Variants in KCNIP4 observed in about 807,000 individuals in gnomAD.
KCNIP4 encodes the protein potassium voltage-gated channel interacting protein 4.
In KCNIP4, 12 loss-of-function variants were observed where a neutral mutation model predicts 34.0. That is an observed-to-expected ratio of 0.35 (90% CI 0.23 to 0.57). KCNIP4 has a LOEUF of 0.57. Among genes scored for constraint, KCNIP4 ranks in the 20% least tolerant of loss-of-function variants. The pLI is 0.83. For synonymous variants in KCNIP4, 124 were observed against 102.2 expected (o/e 1.21, Z -1.29); for missense variants, 238 against 311.7 (o/e 0.76, Z 1.78).
At chr4:21,210,251 C>T (rs1385833015) in intron 1 of KCNIP4, among the ~76,000 whole-genome samples, 1 of 152,148 alleles carries the variant, frequency 6.6e-6, no homozygotes, top group African/African-American at 2.4e-5. Context: ...TTTTCTTTTA[C>T]TATACTTTGC....
At chr4:20,982,127 T>G (rs1202997857) in intron 1 of KCNIP4, among the ~76,000 whole-genome samples, 1 of 152,232 alleles carries the variant, frequency 6.6e-6, no homozygotes, top group Non-Finnish European at 1.5e-5. Flanking sequence ...TGATTTTAAA[T>G]TTCTACATTA....
At chr4:21,191,810 T>C (rs571032075) in intron 1 of KCNIP4, among the ~76,000 whole-genome samples, 1 of 152,338 alleles carries the variant, frequency 6.6e-6, no homozygotes, top group African/African-American at 2.4e-5. Flanking sequence ...TTGCTGACTA[T>C]TCAGATACAT....
chr4:21,886,921 C>T (rs1011866679), intron 1 of KCNIP4, among the ~76,000 whole-genome samples: 70 of 152,050 alleles, frequency 4.6e-4, no homozygotes, highest in Non-Finnish European at 8.4e-4. Flanking sequence ...TGTGAGCGTT[C>T]ATTTGAAGAC....
intron 1 of KCNIP4, among the ~76,000 whole-genome samples, chr4:21,297,611 C>G (rs765796012): frequency 6.6e-6 from 1 of 152,098 alleles, no homozygotes; most frequent in South Asian, 2.1e-4. Context: ...CTCTCTGGGA[C>G]TCAGTTTCCT....
intron 1 of KCNIP4, among the ~76,000 whole-genome samples, chr4:20,920,000 G>A (rs1729234105): frequency 6.6e-6 from 1 of 152,024 alleles, no homozygotes. Flanking sequence ...CTATGGTAAT[G>A]TTTATTGAAT....
At chr4:21,797,200 T>C (rs963497358) in intron 1 of KCNIP4, among the ~76,000 whole-genome samples, 1 of 152,228 alleles carries the variant, frequency 6.6e-6, no homozygotes, top group Non-Finnish European at 1.5e-5. Flanking sequence ...CAGACTAAAG[T>C]GCAGTGGCGT....
chr4:21,937,489 C>T (rs1268149629), intron 1 of KCNIP4, among the ~76,000 whole-genome samples: 1 of 152,162 alleles, frequency 6.6e-6, no homozygotes, highest in African/African-American at 2.4e-5. Flanking sequence ...AAAATTAATT[C>T]CCTTCATTCT....
In KCNIP4 at chr4:21,543,613, T is replaced by G. The variant is rs188914306; in HGVS notation, c.61+404958A>C. On this transcript the variant is annotated intron_variant, in intron 1 of 8. Transcript: ENST00000382152. ...GCTGTGAAAATAAGTAATTCAAAAT[T>G]TAAGCTGCTGGAACTTTAAAATATT... is the stretch of plus-strand genomic sequence containing the variant. Among the ~76,000 whole-genome samples the G allele has an allele frequency of 2.6e-5, 4 of 152,240 alleles. No homozygotes were observed. In the East Asian group the frequency reaches 7.7e-4, roughly 29 times the overall value.
chr4:21,132,910 C>T (rs956834026), intron 1 of KCNIP4, among the ~76,000 whole-genome samples: 18 of 149,340 alleles, frequency 1.2e-4, no homozygotes, highest in Admixed American at 6.0e-4. Context: ...CTACTTGGGA[C>T]GCTGAGGCAG....
chr4:21,728,672 C>A (rs2109107083), intron 1 of KCNIP4, among the ~76,000 whole-genome samples: 1 of 152,278 alleles, frequency 6.6e-6, no homozygotes, highest in South Asian at 2.1e-4. Context: ...CTCATCTGAA[C>A]TACTGGCCTC....
At chr4:20,733,769 G>A (rs1345743424) in intron 6 of KCNIP4, among the ~76,000 whole-genome samples, 1 of 152,138 alleles carries the variant, frequency 6.6e-6, no homozygotes, top group Non-Finnish European at 1.5e-5. Flanking sequence ...ATAGCCATAA[G>A]GTCTTAATTT....
At chr4:21,243,242 T>C (rs999706500) in intron 1 of KCNIP4, among the ~76,000 whole-genome samples, 2 of 152,186 alleles carry the variant, frequency 1.3e-5, no homozygotes, top group Non-Finnish European at 2.9e-5. Flanking sequence ...TTTCATTAAT[T>C]TATTGTGATC....
rs76122277 is a variant in KCNIP4 at position 21,188,587 on chromosome 4, C to T, written c.62-305878G>A. On this transcript the variant is annotated intron_variant, in intron 1 of 8. Transcript: ENST00000382152. Reference sequence around the variant, plus strand: ...TTTCAGCTCTTGCAAATTAAACATACGTTGTGTAAAAACTACTTTAAATGA... The same window carrying T: ...TTTCAGCTCTTGCAAATTAAACATATGTTGTGTAAAAACTACTTTAAATGA... Among the ~76,000 whole-genome samples the T allele has an allele frequency of 9.0e-3, 1,373 of 152,196 alleles. 31 individuals carry two copies. The highest frequency in any genetic ancestry group is 0.031 in the African/African-American group (1,299 of 41,532).
intron 1 of KCNIP4, among the ~76,000 whole-genome samples, chr4:21,383,654 A>G (rs1721746215): frequency 6.6e-6 from 1 of 152,064 alleles, no homozygotes; most frequent in African/African-American, 2.4e-5. Flanking sequence ...TTTTAAATAG[A>G]TTTATCTATT....
intron 2 of KCNIP4, among the ~76,000 whole-genome samples, chr4:20,874,801 C>T (rs115897740): frequency 0.01 from 1,593 of 151,886 alleles, 27 homozygotes; most frequent in African/African-American, 0.037. Context: ...TTGTAAAAGC[C>T]CATACACGTG....
At chr4:21,832,656 T>C (rs575510291) in intron 1 of KCNIP4, among the ~76,000 whole-genome samples, 49 of 150,938 alleles carry the variant, frequency 3.2e-4, no homozygotes, top group African/African-American at 1.1e-3. Flanking sequence ...TAGTTACATA[T>C]GTATACATGT....
At chr4:21,313,997 G>C (rs944233263) in intron 1 of KCNIP4, among the ~76,000 whole-genome samples, 2 of 152,162 alleles carry the variant, frequency 1.3e-5, no homozygotes, top group African/African-American at 4.8e-5. Flanking sequence ...CAAGATGTAG[G>C]CTCGGGCTGT....
chr4:21,172,246 G>T (rs1033739221), intron 1 of KCNIP4, among the ~76,000 whole-genome samples: 1 of 152,046 alleles, frequency 6.6e-6, no homozygotes, highest in African/African-American at 2.4e-5. Flanking sequence ...TGGCCAGTCT[G>T]GTCTCAAACA....
At chr4:20,934,197 C>A (rs1381592113) in intron 1 of KCNIP4, among the ~76,000 whole-genome samples, 3 of 152,124 alleles carry the variant, frequency 2.0e-5, no homozygotes, top group Non-Finnish European at 4.4e-5. Flanking sequence ...CCTCCAACTT[C>A]CTCCTGTCCA....
Sources: gnomAD v4.1 joint callset for allele counts (sites outside exome capture counted in the v4.1 genomes callset) on GRCh38, gnomAD v4.1.1 for gene constraint, MANE v1.5 for transcripts, NCBI Gene and HGNC (gene_info 2026-07-23, HGNC 2026-07-21) for gene names.